HEATR6: variants seen among roughly 807,000 people sequenced by gnomAD.
The protein encoded by HEATR6 is HEAT repeat containing 6.
HEATR6 carries 106 observed loss-of-function variants against 132.8 expected under a neutral mutation model. That is an observed-to-expected ratio of 0.80 (90% CI 0.68 to 0.94). The LOEUF is 0.94. Among genes scored for constraint, HEATR6 ranks in the 40% least tolerant of loss-of-function variants. The probability of loss-of-function intolerance (pLI) is 0.00; values close to 1 mark genes in which losing one functional copy is unlikely to be tolerated. For synonymous variants in HEATR6, 529 were observed against 537.8 expected, an observed-to-expected ratio of 0.98 and a Z score of 0.23; for missense variants, 1,339 against 1,425.1, an observed-to-expected ratio of 0.94 and a Z score of 0.97.
At chr17:60,056,365 G>C in intron 12 of HEATR6, 128 bp from the exon 13 acceptor site, 1 of 782,848 alleles carries the variant, frequency 1.3e-6, no homozygotes, top group African/African-American at 1.8e-5. Flanking sequence ...ATGAAATTAA[G>C]AACCATAATC....
chr17:60,070,889 TGGAAGAGAGACAG>T, intron 5 of HEATR6, 82 bp from the exon 6 acceptor site: 1 of 773,436 alleles, frequency 1.3e-6, no homozygotes, highest in African/African-American at 1.7e-5. Context: ...CCACTTAGGA[TGGAAGAGAGACAG>T]TCTCTAGATG....
At chr17:60,053,031 C>A (rs932536341) in intron 14 of HEATR6, among the ~76,000 whole-genome samples, 1 of 152,114 alleles carries the variant, frequency 6.6e-6, no homozygotes, top group Non-Finnish European at 1.5e-5. Context: ...GGATGTGTGT[C>A]CCCTCCAAAT....
At position 60,057,172 on chromosome 17, in the gene HEATR6, C is replaced by T. The variant is rs1380185465; in HGVS notation, c.1955G>A (p.Trp652Ter). ...AATGGAAATGCAGAGTCGAATGAGC[C>T]AGCAGGGCTCTGAAGACCCCTTAGG... The part of the protein sequence containing the change: ...SSPKGSSEPC[W>*]LIRLCISIVV... The change falls in exon 12 of 20, where the codon TGG becomes TAG. Residue 652 changes from tryptophan to a stop codon, truncating the protein, a stop_gained. Coordinates refer to ENST00000184956, the MANE Select transcript of HEATR6 (RefSeq NM_022070.5). LOFTEE classifies it high-confidence loss of function. 4 of 1,614,058 alleles carry T rather than the reference C, an allele frequency of 2.5e-6. No homozygotes were observed. The highest frequency in any genetic ancestry group is 3.4e-6 in the Non-Finnish European group (4 of 1,180,032).
chr17:60,049,759 G>T, intron 15 of HEATR6, 57 bp from the exon 16 acceptor site: 1 of 1,581,248 alleles, frequency 6.3e-7, no homozygotes, highest in South Asian at 1.1e-5. Context: ...CAAGCCAAAG[G>T]CTTCCATAAA....
intron 8 of HEATR6, among the ~76,000 whole-genome samples, chr17:60,067,052 C>T (rs1363929884): frequency 2.0e-5 from 3 of 152,004 alleles, no homozygotes; most frequent in Admixed American, 6.5e-5. Flanking sequence ...GGGCGGATCA[C>T]GAGGTCAGGA....
chr17:60,051,095 G>A (rs1001288867), intron 14 of HEATR6, 118 bp from the exon 15 acceptor site: 1 of 1,109,084 alleles, frequency 9.0e-7, no homozygotes, highest in Non-Finnish European at 1.3e-6. Context: ...GCAGCTTTCT[G>A]TAAGTGTTTT....
Position 60,073,737 on chromosome 17 carries a change from T to C in HEATR6, c.468+9A>G, listed in dbSNP as rs753313469. The C allele has an allele frequency of 1.9e-6, 3 of 1,613,278 alleles. No homozygotes were observed. The highest frequency in any genetic ancestry group is 2.5e-6 in the Non-Finnish European group (3 of 1,179,650). ...CCTTTCAAAGGAAGGATAAAGCACT[T>C]TAAACTACCTTTTGACATTTGGAGC... is the stretch of plus-strand genomic sequence containing the variant. On this transcript the variant is annotated intron_variant, in intron 3 of 19. Transcript: ENST00000184956.
chr17:60,048,075 A>G (rs1906432766), intron 17 of HEATR6, among the ~76,000 whole-genome samples, 189 bp downstream of exon 17: 1 of 152,230 alleles, frequency 6.6e-6, no homozygotes, highest in Admixed American at 6.5e-5. Context: ...ATCTTAATGC[A>G]TTCCTAATAT....
At chr17:60,050,490 C>T (rs773677473) in intron 15 of HEATR6, among the ~76,000 whole-genome samples, 1 of 151,974 alleles carries the variant, frequency 6.6e-6, no homozygotes, top group African/African-American at 2.4e-5. Context: ...ATGATAATAC[C>T]AAGTCTTAGA....
chr17:60,066,891 A>G (rs1006503332), intron 8 of HEATR6, among the ~76,000 whole-genome samples: 5 of 152,236 alleles, frequency 3.3e-5, no homozygotes, highest in Admixed American at 6.5e-5. Context: ...TTCTGAGCCC[A>G]TATCAAAGAT....
chr17:60,049,659 T>C lies in HEATR6; in HGVS notation c.2468A>G (p.Asn823Ser). ...MLCITVLLGL[N>S]DSKNRLVKAA... ...TTTCACTAAGCGATTCTTGCTGTCATTCAGCCCGAGCAGCACTGTGATGCA... is the reference window on the plus strand; with the variant it reads ...TTTCACTAAGCGATTCTTGCTGTCACTCAGCCCGAGCAGCACTGTGATGCA... The change falls in exon 16 of 20, where the codon AAT becomes AGT. Residue 823 changes from asparagine (N) to serine (S), a missense_variant. Asn to Ser is a conservative substitution (Grantham distance 46, BLOSUM62 1). Coordinates refer to ENST00000184956, the MANE Select transcript of HEATR6 (RefSeq NM_022070.5). 3 of 1,613,790 alleles carry C rather than the reference T, an allele frequency of 1.9e-6. No individual in the cohort carries two copies. Among genetic ancestry groups the C allele is most frequent in the East Asian group, 2.2e-5 (1 of 44,864 alleles).
intron 4 of HEATR6, 103 bp downstream of exon 4, chr17:60,073,061 T>C: frequency 1.6e-6 from 1 of 635,466 alleles, no homozygotes; most frequent in Non-Finnish European, 2.9e-6. Context: ...AGTTAGTTAT[T>C]TGTCTAAGTT....
At chr17:60,068,016 C>A (rs1265802233) in intron 7 of HEATR6, among the ~76,000 whole-genome samples, 1 of 152,234 alleles carries the variant, frequency 6.6e-6, no homozygotes, top group African/African-American at 2.4e-5. Flanking sequence ...TGGGGCAAAT[C>A]ATTTAGCCTC....
At chr17:60,048,981 ATAAT>A (rs1359420318) in intron 16 of HEATR6, among the ~76,000 whole-genome samples, 1 of 56,590 alleles carries the variant, frequency 1.8e-5, no homozygotes, top group Non-Finnish European at 2.6e-5. Flanking sequence ...ACATATATAT[ATAAT>A]ATATATATAT....
intron 3 of HEATR6, 44 bp downstream of exon 3, chr17:60,073,702 G>C: frequency 6.3e-7 from 1 of 1,590,262 alleles, no homozygotes; most frequent in Non-Finnish European, 8.6e-7. Context: ...ACCAGAGTCT[G>C]TGCTCCTGGC....
In HEATR6 at chr17:60,070,805, T is replaced by C; in HGVS notation, c.702A>G (p.Leu234=). 6.4e-7 allele frequency: 1 copy of C among 1,555,758 alleles called. No individual in the cohort carries two copies. Residue 234 remains leucine, a splice_region_variant and synonymous_variant, in exon 6 of 20, where the codon TTA becomes TTG. Coordinates refer to ENST00000184956, the MANE Select transcript of HEATR6 (RefSeq NM_022070.5). Reference sequence around the variant, plus strand: ...GTATACCTTTTAATGCATTTTGCAATAACTAGGGGGAAAAGGGAGACCCAG... The same window carrying C: ...GTATACCTTTTAATGCATTTTGCAACAACTAGGGGGAAAAGGGAGACCCAG... The part of the protein sequence containing the change: ...SDMDDITFCM[L]LQNALKGIQS...
intron 10 of HEATR6, 151 bp from the exon 11 acceptor site, chr17:60,059,672 A>C (rs1906868954): frequency 4.6e-6 from 3 of 651,146 alleles, no homozygotes; most frequent in Non-Finnish European, 8.0e-6. Flanking sequence ...TCATTGGTAC[A>C]ACTAAAGATA....
rs12451490 is a variant in HEATR6 at position 60,069,801 on chromosome 17, C to T, written c.849G>A (p.Thr283=). 5.1e-4 allele frequency: 826 copies of T among 1,613,928 alleles called. 8 individuals carry two copies. The Admixed American group carries it at 8.4e-3, about 16-fold the overall frequency. Residue 283 remains threonine (T), a synonymous_variant, in exon 7 of 20, where the codon ACG becomes ACA. Coordinates refer to ENST00000184956, the MANE Select transcript of HEATR6 (RefSeq NM_022070.5). The stretch of plus-strand genomic sequence containing the variant: ...GAGGAAGCGGAGTTGGGTATAACAC[C>T]GTGGGCATCTCTATGTTTAGTCCAG... ...GLPGLNIEMP[T]VLYPTPLPQY...
chr17:60,047,555 T>C, intron 17 of HEATR6, 150 bp from the exon 18 acceptor site: 1 of 405,420 alleles, frequency 2.5e-6, no homozygotes, highest in Middle Eastern at 6.5e-4. Flanking sequence ...TTACATTATA[T>C]ATCTTTTGAC....
Sources: allele counts gnomAD v4.1 joint callset (sites outside exome capture counted in the v4.1 genomes callset), GRCh38; gene constraint gnomAD v4.1.1; transcripts MANE v1.5; gene names NCBI Gene and HGNC (gene_info 2026-07-23, HGNC 2026-07-21).